The following FAF1 variants were observed in gnomAD, a reference collection of about 807,000 sequenced individuals.
FAF1 encodes Fas associated factor 1, also known as FAS-associated factor 1.
In FAF1, 25 loss-of-function variants were observed where a neutral mutation model predicts 92.5. That is an observed-to-expected ratio of 0.27 (90% CI 0.20 to 0.38). The LOEUF (loss-of-function observed/expected upper bound fraction) is 0.38. Among genes scored for constraint, FAF1 ranks in the 10% least tolerant of loss-of-function variants. The pLI is 1.00. For synonymous variants in FAF1, 234 were observed against 273.2 expected (o/e 0.86, Z 1.42); for missense variants, 636 against 793.3 (o/e 0.80, Z 2.38).
Position 50,901,906 on chromosome 1 carries a change from C to A in FAF1, c.46-43909G>T, listed in dbSNP as rs558940798. On this transcript the variant is annotated intron_variant, in intron 1 of 18. Coordinates refer to ENST00000396153, the MANE Select transcript of FAF1 (RefSeq NM_007051.3). ...AACCCTGTTACAGCCAGTTAACAAT[C>A]ACATGGTTTAGAAGTACTATAAGCA... 7.7e-3 allele frequency among the ~76,000 whole-genome samples: 1,175 copies of A among 152,254 alleles called. 6 individuals carry two copies. Among genetic ancestry groups the A allele is most frequent in the Middle Eastern group, 0.02 (6 of 294 alleles).
intron 18 of FAF1, among the ~76,000 whole-genome samples, chr1:50,444,514 GA>G (rs1557947386): frequency 6.6e-6 from 1 of 152,172 alleles, no homozygotes; most frequent in Non-Finnish European, 1.5e-5. Context: ...AAATCACAGG[GA>G]AGCAGAACCC....
intron 6 of FAF1, among the ~76,000 whole-genome samples, chr1:50,721,247 AAGTGAGACG>A (rs1658399201): frequency 1.3e-5 from 2 of 151,790 alleles, no homozygotes; most frequent in African/African-American, 2.4e-5. Context: ...GGCTGGAGAT[AAGTGAGACG>A]AGTCTCACTC....
chr1:50,747,498 C>A (rs985039350), intron 4 of FAF1, among the ~76,000 whole-genome samples: 3 of 152,196 alleles, frequency 2.0e-5, no homozygotes, highest in East Asian at 1.9e-4. Flanking sequence ...AATGCCTATA[C>A]CCCCATTTTA....
At chr1:50,541,476 C>T (rs552029721) in intron 13 of FAF1, among the ~76,000 whole-genome samples, 5 of 152,112 alleles carry the variant, frequency 3.3e-5, no homozygotes, top group East Asian at 1.9e-4. Flanking sequence ...ATGTATAGAT[C>T]GTGAGATTAG....
chr1:50,641,939 A>C (rs998081230), intron 8 of FAF1, among the ~76,000 whole-genome samples: 1 of 151,986 alleles, frequency 6.6e-6, no homozygotes, highest in Admixed American at 6.6e-5. Context: ...GCGGGGGCTC[A>C]TGCTTGTAAT....
At chr1:50,546,081 G>A (rs1242586856) in intron 13 of FAF1, among the ~76,000 whole-genome samples, 7 of 152,118 alleles carry the variant, frequency 4.6e-5, no homozygotes, top group East Asian at 1.9e-4. Flanking sequence ...CAGAAGGATC[G>A]CTTGAGGCCA....
At chr1:50,706,319 G>T (rs2124424979) in intron 6 of FAF1, among the ~76,000 whole-genome samples, 1 of 152,064 alleles carries the variant, frequency 6.6e-6, no homozygotes. Context: ...TTATATTCAT[G>T]AATCTGATTT....
intron 1 of FAF1, among the ~76,000 whole-genome samples, chr1:50,905,811 T>C (rs576052485): frequency 6.4e-4 from 98 of 152,354 alleles, no homozygotes; most frequent in Admixed American, 1.4e-3. Flanking sequence ...GCAAAATTTT[T>C]CTCCCATTCT....
At chr1:50,854,947 T>C (rs1644379313) in intron 2 of FAF1, among the ~76,000 whole-genome samples, 1 of 151,804 alleles carries the variant, frequency 6.6e-6, no homozygotes, top group South Asian at 2.1e-4. Flanking sequence ...AAGGAAATGC[T>C]CGATGGAACA....
chr1:50,930,193 A>G (rs1286870851), intron 1 of FAF1, among the ~76,000 whole-genome samples: 1 of 152,198 alleles, frequency 6.6e-6, no homozygotes, highest in African/African-American at 2.4e-5. Context: ...GAAATTCTCA[A>G]TTACAGCCTG....
intron 2 of FAF1, among the ~76,000 whole-genome samples, chr1:50,810,239 G>A (rs1662367352): frequency 6.6e-6 from 1 of 152,036 alleles, no homozygotes; most frequent in African/African-American, 2.4e-5. Flanking sequence ...TGGGCAACAA[G>A]AGCGAGACTC....
At chr1:50,792,249 CTT>C (rs35770103) in intron 3 of FAF1, among the ~76,000 whole-genome samples, 2 of 152,136 alleles carry the variant, frequency 1.3e-5, no homozygotes, top group Non-Finnish European at 1.5e-5. Context: ...TAAAAATAGC[CTT>C]TTTAAAAGTT....
Position 50,825,408 on chromosome 1 carries a change from A to G in FAF1, c.115-23731T>C, listed in dbSNP as rs369829891. Among the ~76,000 whole-genome samples the G allele has an allele frequency of 6.6e-5, 10 of 152,216 alleles. No homozygotes were observed. The South Asian group carries it at 1.0e-3, about 16-fold the overall frequency. ...TATGCAACAAATATTACAAAGTCCT[A>G]TGTAATACAAGACATAGGACTTTTA... On this transcript the variant is annotated intron_variant, in intron 2 of 18. Coordinates refer to ENST00000396153, the MANE Select transcript of FAF1 (RefSeq NM_007051.3).
chr1:50,526,518 G>C (rs188252178), intron 15 of FAF1, among the ~76,000 whole-genome samples: 1 of 151,816 alleles, frequency 6.6e-6, no homozygotes, highest in African/African-American at 2.4e-5. Context: ...GGCCCAGGCT[G>C]GTCTTAAACT....
intron 9 of FAF1, among the ~76,000 whole-genome samples, chr1:50,587,191 T>C (rs1402634400): frequency 1.3e-5 from 2 of 152,212 alleles, no homozygotes; most frequent in African/African-American, 4.8e-5. Flanking sequence ...TAGCTCCTTC[T>C]ATAACAACAG....
intron 8 of FAF1, among the ~76,000 whole-genome samples, chr1:50,620,760 C>G (rs993301132): frequency 3.3e-5 from 5 of 152,202 alleles, no homozygotes; most frequent in African/African-American, 1.2e-4. Flanking sequence ...GTAGATGGTG[C>G]TTAAGAGTAA....
At chr1:50,714,280 A>T (rs1442736208) in intron 6 of FAF1, among the ~76,000 whole-genome samples, 1 of 149,190 alleles carries the variant, frequency 6.7e-6, no homozygotes, top group Non-Finnish European at 1.5e-5. Flanking sequence ...AGGCGGGTGG[A>T]TTACTTGAGG....
intron 3 of FAF1, among the ~76,000 whole-genome samples, chr1:50,790,602 T>C (rs1484185229): frequency 6.6e-6 from 1 of 152,026 alleles, no homozygotes; most frequent in Non-Finnish European, 1.5e-5. Context: ...TCTTTTTTTT[T>C]TTAACTCTCT....
intron 2 of FAF1, among the ~76,000 whole-genome samples, chr1:50,855,747 T>C (rs1644386266): frequency 6.6e-6 from 1 of 151,896 alleles, no homozygotes; most frequent in South Asian, 2.1e-4. Flanking sequence ...AATAAATCTT[T>C]ACTGTGAATA....
Sources: allele counts gnomAD v4.1 joint callset (sites outside exome capture counted in the v4.1 genomes callset), GRCh38; gene constraint gnomAD v4.1.1; transcripts MANE v1.5; gene names NCBI Gene and HGNC (gene_info 2026-07-23, HGNC 2026-07-21).